The following LRRC4C variants were observed in gnomAD, a reference collection of about 807,000 sequenced individuals.
LRRC4C encodes leucine rich repeat containing 4C.
In LRRC4C, 5 loss-of-function variants were observed where a neutral mutation model predicts 33.6. That is an observed-to-expected ratio of 0.15 (90% confidence interval 0.08 to 0.31). The LOEUF (loss-of-function observed/expected upper bound fraction) is 0.31. Ranked by LOEUF, LRRC4C falls within the 10% of genes least tolerant of loss-of-function variation. The probability of loss-of-function intolerance (pLI) is 1.00; values close to 1 mark genes in which losing one functional copy is unlikely to be tolerated. For missense variants in LRRC4C, 560 were observed against 796.7 expected, an observed-to-expected ratio of 0.70 and a Z score of 3.58; for synonymous variants, 329 against 302.0, an observed-to-expected ratio of 1.09 and a Z score of -0.93.
At chr11:40,313,385 T>C (rs1323656423) in intron 4 of LRRC4C, among the ~76,000 whole-genome samples, 1 of 151,886 alleles carries the variant, frequency 6.6e-6, no homozygotes, top group Admixed American at 6.6e-5. Context: ...CACATATCTA[T>C]AGCCAACTGA....
chr11:40,395,969 G>T (rs1218138106), intron 3 of LRRC4C, among the ~76,000 whole-genome samples: 1 of 152,066 alleles, frequency 6.6e-6, no homozygotes, highest in Admixed American at 6.6e-5. Flanking sequence ...CCAGGCAACA[G>T]AGTGAGACTC....
intron 3 of LRRC4C, among the ~76,000 whole-genome samples, chr11:40,354,020 C>A (rs11035798): frequency 0.51 from 77,296 of 151,872 alleles, 20,035 homozygotes; most frequent in East Asian, 0.8. Flanking sequence ...TTCAAAGGTA[C>A]TTGAGTGTTG....
chr11:40,868,223 G>A (rs544190542), intron 2 of LRRC4C, among the ~76,000 whole-genome samples: 5 of 152,098 alleles, frequency 3.3e-5, no homozygotes, highest in African/African-American at 9.7e-5. Context: ...ATAAAGCCTC[G>A]CTGAGCTATC....
At chr11:40,707,454 C>T (rs574133647) in intron 2 of LRRC4C, among the ~76,000 whole-genome samples, 1 of 152,048 alleles carries the variant, frequency 6.6e-6, no homozygotes, top group South Asian at 2.1e-4. Flanking sequence ...CTTTTCTGCA[C>T]CTATTGAGAT....
intron 3 of LRRC4C, among the ~76,000 whole-genome samples, chr11:40,438,986 A>G (rs1418615371): frequency 7.2e-5 from 10 of 138,504 alleles, no homozygotes; most frequent in Admixed American, 1.6e-4. Context: ...CCTGGAGTGC[A>G]GTGGCATGAT....
At chr11:40,646,831 C>T (rs1168797706) in intron 3 of LRRC4C, among the ~76,000 whole-genome samples, 1 of 152,162 alleles carries the variant, frequency 6.6e-6, no homozygotes, top group Non-Finnish European at 1.5e-5. Flanking sequence ...TGGTCTCGAT[C>T]TCCTGACCTC....
At chr11:40,125,452 A>G (rs1856147985) in intron 6 of LRRC4C, among the ~76,000 whole-genome samples, 1 of 152,036 alleles carries the variant, frequency 6.6e-6, no homozygotes, top group African/African-American at 2.4e-5. Context: ...TTTCCTCTGG[A>G]CTTCTTATTA....
intron 1 of LRRC4C, among the ~76,000 whole-genome samples, chr11:41,328,497 A>C (rs1002085761): frequency 3.9e-5 from 6 of 152,076 alleles, no homozygotes; most frequent in Non-Finnish European, 7.4e-5. Context: ...CAAAGCCACC[A>C]CACTCCACCC....
At chr11:41,374,885 G>T (rs541427085) in intron 1 of LRRC4C, among the ~76,000 whole-genome samples, 1 of 152,218 alleles carries the variant, frequency 6.6e-6, no homozygotes, top group African/African-American at 2.4e-5. Context: ...CAGTACTTGG[G>T]AAAGTCAAGG....
At chr11:40,583,285 T>A (rs185723777) in intron 3 of LRRC4C, among the ~76,000 whole-genome samples, 1 of 152,236 alleles carries the variant, frequency 6.6e-6, no homozygotes, top group Admixed American at 6.5e-5. Flanking sequence ...TCTTCACTTT[T>A]CCCCCTCTGC....
chr11:41,405,679 T>A (rs1954205786), intron 1 of LRRC4C, among the ~76,000 whole-genome samples: 1 of 152,130 alleles, frequency 6.6e-6, no homozygotes, highest in African/African-American at 2.4e-5. Flanking sequence ...TTTTAAATCA[T>A]CATCAAGGAC....
chr11:41,152,215 C>G (rs370725829), intron 1 of LRRC4C, among the ~76,000 whole-genome samples: 4 of 152,216 alleles, frequency 2.6e-5, no homozygotes, highest in East Asian at 3.8e-4. Flanking sequence ...CTGCCTACAC[C>G]TGAGTGACTG....
At chr11:40,442,458 A>G (rs1007614399) in intron 3 of LRRC4C, among the ~76,000 whole-genome samples, 1 of 152,206 alleles carries the variant, frequency 6.6e-6, no homozygotes, top group African/African-American at 2.4e-5. Context: ...CTGGAGAGAT[A>G]GACCAATATA....
At chr11:41,386,199 G>A (rs1223525426) in intron 1 of LRRC4C, among the ~76,000 whole-genome samples, 3 of 151,576 alleles carry the variant, frequency 2.0e-5, no homozygotes, top group Non-Finnish European at 4.4e-5. Context: ...AGAGGATGGA[G>A]CAATAATGGA....
At chr11:41,135,891 G>A (rs16935385) in intron 1 of LRRC4C, among the ~76,000 whole-genome samples, 14,494 of 152,148 alleles carry the variant, frequency 0.095, 719 homozygotes, top group Middle Eastern at 0.13. Flanking sequence ...ATATCAAGCT[G>A]ACATCCAGGA....
intron 1 of LRRC4C, among the ~76,000 whole-genome samples, chr11:41,057,879 GC>G (rs1858749777): frequency 6.6e-6 from 1 of 152,162 alleles, no homozygotes; most frequent in Admixed American, 6.5e-5. Context: ...GCCGAGAGGA[GC>G]TACCCTCTCT....
intron 2 of LRRC4C, among the ~76,000 whole-genome samples, chr11:40,736,862 T>A (rs1411897388): frequency 7.0e-4 from 4 of 5,696 alleles, no homozygotes; most frequent in African/African-American, 2.5e-3. Context: ...ATGCGGTTGT[T>A]TTTTTTTTTT....
chr11:40,859,678 C>T (rs1047524600), intron 2 of LRRC4C, among the ~76,000 whole-genome samples: 9 of 152,070 alleles, frequency 5.9e-5, no homozygotes, highest in Admixed American at 2.0e-4. Flanking sequence ...TTTTCACACT[C>T]GCCAAAAGAT....
intron 2 of LRRC4C, among the ~76,000 whole-genome samples, chr11:40,860,777 C>CTTTTTTT (rs60307580): frequency 2.3e-5 from 1 of 43,226 alleles, no homozygotes; most frequent in African/African-American, 8.9e-5. Context: ...GGCTTAGGAT[C>CTTTTTTT]TTTTTTTTTT....
Sources: gnomAD v4.1 joint callset for allele counts (sites outside exome capture counted in the v4.1 genomes callset) on GRCh38, gnomAD v4.1.1 for gene constraint, MANE v1.5 for transcripts, NCBI Gene and HGNC (gene_info 2026-07-23, HGNC 2026-07-21) for gene names.